Variants in LYRM4 observed in about 807,000 individuals in gnomAD.
LYRM4 encodes LYR motif-containing protein 4.
LYRM4 carries 9 observed loss-of-function variants against 11.7 expected under a neutral mutation model. That is an observed-to-expected ratio of 0.77 (90% confidence interval 0.46 to 1.34). The LOEUF is 1.34. Ranked by LOEUF, LYRM4 falls within the 40% of genes most tolerant of loss-of-function variation. LYRM4 has a pLI of 0.00. For synonymous variants in LYRM4, 42 were observed against 40.4 expected, an observed-to-expected ratio of 1.04 and a Z score of -0.15; for missense variants, 133 against 112.5, an observed-to-expected ratio of 1.18 and a Z score of -0.82.
At chr6:5,124,392 G>C (rs1763607230) in intron 2 of LYRM4, among the ~76,000 whole-genome samples, 1 of 152,140 alleles carries the variant, frequency 6.6e-6, no homozygotes. Flanking sequence ...TTACTTCCTA[G>C]TTTTTAGAAA....
intron 2 of LYRM4, among the ~76,000 whole-genome samples, chr6:5,171,466 C>T (rs1366730273): frequency 1.3e-5 from 2 of 152,222 alleles, no homozygotes; most frequent in Non-Finnish European, 2.9e-5. Flanking sequence ...GAGAAAGACA[C>T]ACCAACATCA....
chr6:5,086,216 G>T, the LYRM4 span: 1 of 1,535,264 alleles, frequency 6.5e-7, no homozygotes, highest in Non-Finnish European at 8.7e-7. Flanking sequence ...AGCTGCCCTG[G>T]GCCCAGGGCC....
intron 2 of LYRM4, among the ~76,000 whole-genome samples, chr6:5,177,259 T>A (rs550377165): frequency 6.6e-6 from 1 of 152,368 alleles, no homozygotes; most frequent in South Asian, 2.1e-4. Context: ...CTTAAGGCTG[T>A]CCTCAAATGC....
At chr6:5,180,472 T>C (rs915010249) in intron 2 of LYRM4, among the ~76,000 whole-genome samples, 6 of 152,204 alleles carry the variant, frequency 3.9e-5, no homozygotes, top group African/African-American at 1.4e-4. Context: ...TAGATCCTCA[T>C]TGCCTCCCTA....
chr6:5,245,975 A>C (rs931594351), intron 1 of LYRM4, among the ~76,000 whole-genome samples: 5 of 152,218 alleles, frequency 3.3e-5, no homozygotes, highest in Non-Finnish European at 7.3e-5. Flanking sequence ...AGGATTCTGG[A>C]CTTTATCCCA....
the LYRM4 span, among the ~76,000 whole-genome samples, chr6:5,072,251 T>C: frequency 6.6e-6 from 1 of 152,232 alleles, no homozygotes; most frequent in Non-Finnish European, 1.5e-5. Context: ...GTTGATTCCA[T>C]GTCTTTGCTA....
At chr6:5,143,786 C>CA (rs1276309427) in intron 2 of LYRM4, among the ~76,000 whole-genome samples, 1 of 152,226 alleles carries the variant, frequency 6.6e-6, no homozygotes, top group Non-Finnish European at 1.5e-5. Context: ...GAATTAACAG[C>CA]ATGAGAAAGC....
intron 1 of LYRM4, among the ~76,000 whole-genome samples, chr6:5,252,780 G>T (rs1207858091): frequency 6.6e-6 from 1 of 152,140 alleles, no homozygotes. Context: ...AAATAAGGAT[G>T]TATTTGGAGC....
At chr6:5,132,211 G>T (rs1366025886) in intron 2 of LYRM4, among the ~76,000 whole-genome samples, 2 of 152,214 alleles carry the variant, frequency 1.3e-5, no homozygotes, top group Middle Eastern at 3.2e-3. Context: ...TACTGGGCAT[G>T]TGCTAAGCTT....
chr6:5,120,740 G>A (rs931418503), intron 2 of LYRM4, among the ~76,000 whole-genome samples: 10 of 152,152 alleles, frequency 6.6e-5, no homozygotes, highest in Non-Finnish European at 8.8e-5. Context: ...GCCTCAGAGC[G>A]CTGATTGGTG....
chr6:5,250,187 A>G (rs1386205333), intron 1 of LYRM4, among the ~76,000 whole-genome samples: 2 of 152,020 alleles, frequency 1.3e-5, no homozygotes, highest in South Asian at 2.1e-4. Flanking sequence ...AATTATAACA[A>G]GTATTTTATT....
In LYRM4 at chr6:5,122,018, C is replaced by A. The variant is rs201939096; in HGVS notation, c.208-12527G>T. Among the ~76,000 whole-genome samples, 1,200 of 152,280 alleles carry A rather than the reference C, an allele frequency of 7.9e-3. 19 individuals are homozygous for A. Among genetic ancestry groups the A allele is most frequent in the African/African-American group, 0.028 (1,165 of 41,548 alleles). On this transcript the variant is annotated intron_variant, in intron 2 of 2. Coordinates refer to ENST00000330636, the MANE Select transcript of LYRM4 (RefSeq NM_020408.6). ...TGTTGTTATTTTACTCCTCCAGGGA[C>A]ACCTTTTTTCAAAGTCGACTTGAAC...
chr6:5,260,684 A>T lies in LYRM4; in HGVS notation c.50T>A (p.Leu17Gln), dbSNP rs746540959. Reference sequence around the variant, plus strand: ...GGCGCTGAAACGCTTGCTCTCTCTCAGCATCGCCCGGTACAGAGATAACAC... The same window carrying T: ...GGCGCTGAAACGCTTGCTCTCTCTCTGCATCGCCCGGTACAGAGATAACAC... ...AQVLSLYRAM[L>Q]RESKRFSAYN... The change falls in exon 1 of 3, where the codon CTG becomes CAG. Residue 17 changes from leucine to glutamine, a missense_variant. Coordinates refer to ENST00000330636, the MANE Select transcript of LYRM4 (RefSeq NM_020408.6). The T allele has an allele frequency of 2.6e-6, 4 of 1,548,324 alleles. No individual in the cohort carries two copies. In the Admixed American group the frequency reaches 7.8e-5, roughly 30 times the overall value.
intron 2 of LYRM4, among the ~76,000 whole-genome samples, chr6:5,133,984 C>A (rs79305728): frequency 5.9e-5 from 9 of 152,332 alleles, no homozygotes; most frequent in African/African-American, 1.9e-4. Flanking sequence ...GGAAATACCA[C>A]ATATTGTTGA....
At chr6:5,245,633 T>C (rs931561882) in intron 1 of LYRM4, among the ~76,000 whole-genome samples, 1 of 152,204 alleles carries the variant, frequency 6.6e-6, no homozygotes. Context: ...CTGACAGTAC[T>C]GAGCAAAAGC....
In LYRM4 at chr6:5,189,269, GTTAGCCTAAGGTTAGTGC is replaced by G. The variant is rs1322770456; in HGVS notation, c.207+27331_207+27348del. ...TTAAGTGCTTAGCCTAAGGTTAGTG[GTTAGCCTAAGGTTAGTGC>G]TTAGCCTAAGGTTAGTGGTGAGCCT... is the stretch of plus-strand genomic sequence containing the variant. On this transcript the variant is annotated intron_variant, in intron 2 of 2. Coordinates refer to ENST00000330636, the MANE Select transcript of LYRM4 (RefSeq NM_020408.6). Among the ~76,000 whole-genome samples the G allele has an allele frequency of 9.2e-3, 1,391 of 151,944 alleles. 26 individuals are homozygous for G. The highest frequency in any genetic ancestry group is 0.031 in the African/African-American group (1,260 of 41,304).
intron 1 of LYRM4, among the ~76,000 whole-genome samples, chr6:5,225,312 GTGGAAAA>G (rs1762821820): frequency 6.6e-6 from 1 of 151,684 alleles, no homozygotes; most frequent in South Asian, 2.1e-4. Context: ...AAGATGTAAG[GTGGAAAA>G]TCATTCGCCC....
rs145020380 is a variant in LYRM4 at position 5,131,525 on chromosome 6, C to T, written c.208-22034G>A. Among the ~76,000 whole-genome samples, 103 of 152,250 alleles carry T rather than the reference C, an allele frequency of 6.8e-4. No homozygotes were observed. The East Asian group carries it at 0.019, about 28-fold the overall frequency. ...GACCAACTTGGCCAACATAGCAACACCTCATCTCTTAAAAGAGAAAAAAGA... is the reference window on the plus strand; with the variant it reads ...GACCAACTTGGCCAACATAGCAACATCTCATCTCTTAAAAGAGAAAAAAGA... On this transcript the variant is annotated intron_variant, in intron 2 of 2. Transcript: ENST00000330636.
At chr6:5,190,839 A>C (rs1238161559) in intron 2 of LYRM4, among the ~76,000 whole-genome samples, 1 of 152,218 alleles carries the variant, frequency 6.6e-6, no homozygotes, top group East Asian at 1.9e-4. Context: ...TTACAAACTA[A>C]AGTTTCTGAA....
Sources: allele counts gnomAD v4.1 joint callset (sites outside exome capture counted in the v4.1 genomes callset), GRCh38; gene constraint gnomAD v4.1.1; transcripts MANE v1.5; gene names NCBI Gene and HGNC (gene_info 2026-07-23, HGNC 2026-07-21).